RYR2: variants seen among roughly 807,000 people sequenced by gnomAD.
RYR2 encodes ryanodine receptor 2.
A neutral mutation model predicts 601.1 loss-of-function variants in RYR2; 227 were observed. The ratio of observed to expected loss-of-function variants is 0.38; its 90% confidence interval spans 0.34 to 0.42. The LOEUF (loss-of-function observed/expected upper bound fraction) is 0.42, where lower values mean the gene tolerates loss of function less well. Ranked by LOEUF, RYR2 falls within the 10% of genes least tolerant of loss-of-function variation. RYR2 has a pLI of 1.00. For synonymous variants in RYR2, 2,223 were observed against 2,175.1 expected (o/e 1.02, Z -0.61); for missense variants, 4,646 against 6,156.5 (o/e 0.75, Z 8.21).
At chr1:237,780,303 G>GGTAA (rs989208347) in intron 88 of RYR2, among the ~76,000 whole-genome samples, 7 of 152,064 alleles carry the variant, frequency 4.6e-5, no homozygotes, top group Admixed American at 1.3e-4. Context: ...GGGATATTTT[G>GGTAA]GTAAGTAAAG....
Position 237,674,134 on chromosome 1 carries a change from C to A in RYR2, c.8629C>A (p.Leu2877Met), listed in dbSNP as rs764688129. 1.2e-6 allele frequency: 2 copies of A among 1,612,000 alleles called. No individual in the cohort carries two copies. Among genetic ancestry groups the A allele is most frequent in the South Asian group, 1.1e-5 (1 of 91,046 alleles). ...TCCTCTGCTGGTGCCCTATGATACA[C>A]TGACAGCCAAAGAGAAAGCCAAGGA... The part of the protein sequence containing the change: ...NHPLLVPYDT[L>M]TAKEKAKDRE... Residue 2877 changes from leucine (L) to methionine (M), a missense_variant, in exon 59 of 105, where the codon CTG becomes ATG. By Grantham distance (15) the Leu-to-Met change is conservative (BLOSUM62 2). Around this residue, in one of 17 missense-constraint regions of RYR2, gnomAD observed 1,497 missense variants for 1,842.6 expected, o/e 0.81. Coordinates refer to ENST00000366574, the MANE Select transcript of RYR2 (RefSeq NM_001035.3).
intron 2 of RYR2, among the ~76,000 whole-genome samples, chr1:237,283,197 GTGTTTACAA>G (rs1267852090): frequency 6.6e-6 from 1 of 152,176 alleles, no homozygotes; most frequent in Non-Finnish European, 1.5e-5. Context: ...AAGTCTTCCT[GTGTTTACAA>G]TGCATCTCCC....
chr1:237,162,077 C>G (rs1438099205), intron 1 of RYR2, among the ~76,000 whole-genome samples: 1 of 152,124 alleles, frequency 6.6e-6, no homozygotes, highest in Admixed American at 6.6e-5. Flanking sequence ...CTTCTGCTTC[C>G]TGTGGCAAAT....
chr1:237,559,551 C>T (rs1311043095), intron 27 of RYR2, among the ~76,000 whole-genome samples: 1 of 152,130 alleles, frequency 6.6e-6, no homozygotes, highest in Admixed American at 6.5e-5. Flanking sequence ...CAGCCTCATA[C>T]TTTTATTTAG....
At chr1:237,416,599 A>G (rs1705013716) in intron 10 of RYR2, among the ~76,000 whole-genome samples, 1 of 152,214 alleles carries the variant, frequency 6.6e-6, no homozygotes, top group Non-Finnish European at 1.5e-5. Flanking sequence ...TAAATAATCT[A>G]AAACAGAATT....
chr1:237,543,628 A>T (rs1304486792), intron 25 of RYR2, among the ~76,000 whole-genome samples: 1 of 152,212 alleles, frequency 6.6e-6, no homozygotes, highest in African/African-American at 2.4e-5. Context: ...TATTTACTGT[A>T]CATCTTTCAC....
intron 1 of RYR2, among the ~76,000 whole-genome samples, chr1:237,100,548 G>A (rs993426146): frequency 2.6e-5 from 4 of 151,742 alleles, no homozygotes; most frequent in Admixed American, 6.6e-5. Context: ...CACCACACCC[G>A]GCTATTTCTG....
At chr1:237,536,383 A>G (rs939074378) in intron 25 of RYR2, among the ~76,000 whole-genome samples, 3 of 152,154 alleles carry the variant, frequency 2.0e-5, no homozygotes, top group Admixed American at 1.3e-4. Context: ...CATCCTGGCT[A>G]ACACGGTGTA....
In RYR2 at chr1:237,659,999, G is replaced by T; in HGVS notation, c.8223G>T (p.Trp2741Cys). 2 of 1,584,970 alleles carry T rather than the reference G, an allele frequency of 1.3e-6. No individual in the cohort carries two copies. Among genetic ancestry groups the T allele is most frequent in the Non-Finnish European group, 1.7e-6 (2 of 1,169,556 alleles). ...KWSMDKLANGWIYGEIYSDSS... is the reference protein window; with the variant it reads ...KWSMDKLANGCIYGEIYSDSS... ...CTTTTTTTAAGTTGGCAAATGGATG[G>T]ATTTATGGAGAAATATATTCAGACT... Residue 2741 changes from tryptophan (W) to cysteine (C), a missense_variant, in exon 55 of 105, where the codon TGG (tryptophan) becomes TGT (cysteine). Transcript: ENST00000366574.
intron 63 of RYR2, among the ~76,000 whole-genome samples, chr1:237,688,174 T>G (rs1347902341): frequency 6.6e-6 from 1 of 152,244 alleles, no homozygotes; most frequent in Non-Finnish European, 1.5e-5. Context: ...CTTTAGTGGC[T>G]GGTGGAATTT....
Position 237,374,698 on chromosome 1 carries a change from C to T in RYR2, c.385-19C>T, listed in dbSNP as rs1700888637. The stretch of plus-strand genomic sequence containing the variant: ...CGAACAAAACCTCTACTTACAACTA[C>T]TGATTTTGTACTTTGTAGTATCTGT... On this transcript the variant is annotated intron_variant, in intron 6 of 104. Coordinates refer to ENST00000366574, the MANE Select transcript of RYR2 (RefSeq NM_001035.3). 1 of 1,597,264 alleles carries T rather than the reference C, an allele frequency of 6.3e-7. No homozygotes were observed. The highest frequency in any genetic ancestry group is 8.6e-7 in the Non-Finnish European group (1 of 1,167,866).
chr1:237,694,953 G>A (rs910829232), intron 63 of RYR2, among the ~76,000 whole-genome samples: 11 of 152,074 alleles, frequency 7.2e-5, no homozygotes, highest in African/African-American at 2.7e-4. Flanking sequence ...TTTCTTCAGA[G>A]AAAAGAATAC....
intron 1 of RYR2, among the ~76,000 whole-genome samples, chr1:237,127,476 C>T (rs2148679533): frequency 6.6e-6 from 1 of 151,452 alleles, no homozygotes; most frequent in East Asian, 2.0e-4. Flanking sequence ...GACCCCCCCA[C>T]CTCCTTCCCG....
rs1681104142 is a variant in RYR2, at chr1:237,638,463, A to G, written c.6899A>G (p.Asp2300Gly). Reference sequence around the variant, plus strand: ...CCAGTTGAAGGAGAGAGATATCTTGACTTTCTTAGATTTGCTGTCTTCTGT... The same window carrying G: ...CCAGTTGAAGGAGAGAGATATCTTGGCTTTCTTAGATTTGCTGTCTTCTGT... ...WNPVEGERYL[D>G]FLRFAVFCNG... Residue 2300 changes from aspartate (D) to glycine (G), a missense_variant, in exon 45 of 105, where the codon GAC becomes GGC. By Grantham distance (94) the Asp-to-Gly change is moderately conservative. This residue lies in a region of RYR2 where 137 missense variants were observed against 273.6 expected (regional missense o/e 0.50). Coordinates refer to ENST00000366574, the MANE Select transcript of RYR2 (RefSeq NM_001035.3). The G allele has an allele frequency of 6.2e-7, 1 of 1,613,882 alleles. No homozygotes were observed.
intron 1 of RYR2, among the ~76,000 whole-genome samples, chr1:237,113,532 C>A (rs1169871213): frequency 1.3e-5 from 2 of 152,080 alleles, no homozygotes; most frequent in African/African-American, 4.8e-5. Context: ...GTCCCATTGT[C>A]CTTTAAGGGC....
chr1:237,184,792 A>G (rs1422981612), intron 1 of RYR2, among the ~76,000 whole-genome samples: 1 of 152,104 alleles, frequency 6.6e-6, no homozygotes, highest in Admixed American at 6.5e-5. Context: ...TTAAAAGTAT[A>G]CAGAACTTAC....
chr1:237,469,592 T>C (rs1324766942), intron 17 of RYR2, among the ~76,000 whole-genome samples: 1 of 152,160 alleles, frequency 6.6e-6, no homozygotes, highest in Non-Finnish European at 1.5e-5. Context: ...AAAAAACCTA[T>C]TTATAAAGCC....
chr1:237,452,568 C>T (rs2127151), intron 14 of RYR2, among the ~76,000 whole-genome samples: 75,843 of 145,450 alleles, frequency 0.52, 21,110 homozygotes, highest in East Asian at 0.74. Context: ...ATTTTATATA[C>T]ACTATATATG....
At chr1:237,067,404 T>G (rs966954636) in intron 1 of RYR2, among the ~76,000 whole-genome samples, 2 of 152,196 alleles carry the variant, frequency 1.3e-5, no homozygotes, top group African/African-American at 4.8e-5. Flanking sequence ...AGATTACCAT[T>G]CCTCCATTGA....
Sources: allele counts gnomAD v4.1 joint callset (sites outside exome capture counted in the v4.1 genomes callset), GRCh38; gene constraint gnomAD v4.1.1; regional missense constraint gnomAD v4.1.1; transcripts MANE v1.5; gene names NCBI Gene and HGNC (gene_info 2026-07-23, HGNC 2026-07-21).